The following PCDHA3 variants were observed in gnomAD, a reference collection of about 807,000 sequenced individuals.
The protein encoded by PCDHA3 is protocadherin alpha 3.
A neutral mutation model predicts 62.2 loss-of-function variants in PCDHA3; 41 were observed. The ratio of observed to expected loss-of-function variants is 0.66; its 90% confidence interval spans 0.51 to 0.86. PCDHA3 has a LOEUF of 0.86. Among genes scored for constraint, PCDHA3 ranks in the 40% least tolerant of loss-of-function variants. The pLI, the probability that PCDHA3 is intolerant of heterozygous loss-of-function variation, is 0.00. For missense variants in PCDHA3, 1,304 were observed against 1,241.2 expected (o/e 1.05, Z -0.76); for synonymous variants, 640 against 555.4 (o/e 1.15, Z -2.14).
intron 1 of PCDHA3, chr5:140,864,763 A>T (rs976670249): frequency 6.6e-6 from 1 of 152,064 alleles, no homozygotes; most frequent in East Asian, 1.9e-4. Context: ...TTTTTCTTTC[A>T]TTTTTGGTAC....
intron 1 of PCDHA3, chr5:140,830,053 C>T (rs2150180331): frequency 4.3e-6 from 7 of 1,613,618 alleles, no homozygotes; most frequent in Non-Finnish European, 2.5e-6. Flanking sequence ...TGAAAGACCA[C>T]GGTGAGCCGG....
chr5:140,978,571 A>G (rs891123704), intron 1 of PCDHA3, among the ~76,000 whole-genome samples: 5 of 152,208 alleles, frequency 3.3e-5, no homozygotes, highest in African/African-American at 1.2e-4. Flanking sequence ...TGTAATACTG[A>G]ATTGGGAATG....
chr5:140,952,709 T>C (rs2094784758), intron 1 of PCDHA3, among the ~76,000 whole-genome samples: 1 of 152,208 alleles, frequency 6.6e-6, no homozygotes, highest in Non-Finnish European at 1.5e-5. Flanking sequence ...CCACTCTCAG[T>C]ATCAATTTTC....
At chr5:140,966,542 G>C (rs926112867) in intron 1 of PCDHA3, 4 of 464,302 alleles carry the variant, frequency 8.6e-6, no homozygotes, top group Non-Finnish European at 1.5e-5. Flanking sequence ...GAGCGACTCG[G>C]AGGCGAGCGG....
At chr5:140,906,961 T>C (rs143429690) in intron 1 of PCDHA3, among the ~76,000 whole-genome samples, 1 of 152,268 alleles carries the variant, frequency 6.6e-6, no homozygotes, top group African/African-American at 2.4e-5. Flanking sequence ...TTTAATGGAA[T>C]CGTGGTTGTG....
chr5:140,966,161 CT>C, intron 1 of PCDHA3: 1 of 175,442 alleles, frequency 5.7e-6, no homozygotes. Context: ...GCTTGGAGAT[CT>C]TTTCCTGGGG....
At chr5:140,985,783 A>G (rs1587112463) in intron 3 of PCDHA3, among the ~76,000 whole-genome samples, 1 of 125,324 alleles carries the variant, frequency 8.0e-6, no homozygotes, top group Non-Finnish European at 1.6e-5. Context: ...TCTGTCGCCC[A>G]GGCTGGAGTG....
At chr5:140,841,684 G>C in intron 1 of PCDHA3, 1 of 1,613,954 alleles carries the variant, frequency 6.2e-7, no homozygotes, top group South Asian at 1.1e-5. Context: ...ATGTGGACGT[G>C]GAGGTGAAGG....
In PCDHA3 at chr5:141,011,833, C is replaced by T. The variant is rs1223674434; in HGVS notation, c.*1896C>T. 6.5e-6 allele frequency: 1 copy of T among 153,366 alleles called. No individual in the cohort carries two copies. Among genetic ancestry groups the T allele is most frequent in the Non-Finnish European group, 1.5e-5 (1 of 67,994 alleles). 9.5% of individuals were successfully genotyped at this position (153,366 alleles called of 1,614,324 possible). On this transcript the variant is annotated 3_prime_UTR_variant, in exon 4 of 4. Transcript: ENST00000522353. ...TAGAAAGTAACAAAATTTGCTGTCA[C>T]CTTAAATAAGACATTTTAATTTTGT...
At chr5:140,917,206 T>G (rs1313611985) in intron 1 of PCDHA3, among the ~76,000 whole-genome samples, 1 of 152,104 alleles carries the variant, frequency 6.6e-6, no homozygotes, top group Admixed American at 6.5e-5. Context: ...CCCTCTTCAA[T>G]GCCTCTTTTA....
chr5:140,870,880 G>A (rs782304708), intron 1 of PCDHA3: 1 of 1,613,948 alleles, frequency 6.2e-7, no homozygotes, highest in African/African-American at 1.3e-5. Flanking sequence ...GGTGGCGAAG[G>A]TGCGCGCAGT....
At chr5:140,814,103 A>C (rs1765435463) in intron 1 of PCDHA3, 1 of 153,702 alleles carries the variant, frequency 6.5e-6, no homozygotes, top group Non-Finnish European at 1.4e-5. Context: ...AATAACGCTT[A>C]GCTTAAAACA....
intron 1 of PCDHA3, among the ~76,000 whole-genome samples, chr5:140,839,780 T>G (rs1258121900): frequency 2.0e-5 from 3 of 152,092 alleles, no homozygotes; most frequent in African/African-American, 7.2e-5. Context: ...GGTAAGAATT[T>G]TGTAGAAATT....
chr5:140,938,261 A>G (rs1325957872), intron 1 of PCDHA3, among the ~76,000 whole-genome samples: 2 of 152,182 alleles, frequency 1.3e-5, no homozygotes, highest in Non-Finnish European at 2.9e-5. Flanking sequence ...AAAACTTTCT[A>G]ATCACATAGT....
intron 1 of PCDHA3, chr5:140,825,966 A>AG: frequency 6.6e-6 from 1 of 152,316 alleles, no homozygotes. Context: ...TACTCTTTTG[A>AG]GGGGAAAAGT....
chr5:140,871,094 T>A, intron 1 of PCDHA3: 3 of 1,613,260 alleles, frequency 1.9e-6, no homozygotes, highest in Non-Finnish European at 2.5e-6. Context: ...ACGGCCACCG[T>A]GCTGGTGTCG....
At chr5:140,876,568 G>C (rs1302204057) in intron 1 of PCDHA3, 2 of 1,614,046 alleles carry the variant, frequency 1.2e-6, no homozygotes, top group African/African-American at 1.3e-5. Context: ...TGCTCAGGTG[G>C]GTACCGTCAT....
chr5:140,967,907 A>C (rs1311525554), intron 1 of PCDHA3: 1 of 1,614,180 alleles, frequency 6.2e-7, no homozygotes, highest in Non-Finnish European at 8.5e-7. Flanking sequence ...TGCTACACCC[A>C]ACACCATTGT....
rs546596358 is a variant in PCDHA3, at chr5:140,863,481, A to G, written c.2394+59890A>G. The G allele has an allele frequency of 1.2e-4, 54 of 468,998 alleles. No homozygotes were observed. The Middle Eastern group carries it at 1.4e-3, about 12-fold the overall frequency. The allele number at this position is 468,998 out of a possible 1,614,324, so 29.1% of individuals were successfully genotyped here. Reference sequence around the variant, plus strand: ...ATTTTACTCTGGAGAGTCGCCTCCCAAGGTCAACATTACGGCTTTTAGTCC... The same window carrying G: ...ATTTTACTCTGGAGAGTCGCCTCCCGAGGTCAACATTACGGCTTTTAGTCC... On this transcript the variant is annotated intron_variant, in intron 1 of 3. Coordinates refer to ENST00000522353, the MANE Select transcript of PCDHA3 (RefSeq NM_018906.3).
Sources: allele counts gnomAD v4.1 joint callset (sites outside exome capture counted in the v4.1 genomes callset), GRCh38; gene constraint gnomAD v4.1.1; transcripts MANE v1.5; gene names NCBI Gene and HGNC (gene_info 2026-07-23, HGNC 2026-07-21).